The following PAQR3 variants were observed in gnomAD, a reference collection of about 807,000 sequenced individuals.
The protein encoded by PAQR3 is progestin and adipoQ receptor family member 3.
Under a neutral mutation model 41.7 loss-of-function variants are expected in PAQR3, and 39 were observed. That is an observed-to-expected ratio of 0.93 (90% CI 0.72 to 1.22). The LOEUF (loss-of-function observed/expected upper bound fraction) is 1.22. PAQR3 is among the 50% of genes most tolerant of loss of function. The pLI, the probability that PAQR3 is intolerant of heterozygous loss-of-function variation, is 0.00. For missense variants in PAQR3, 366 were observed against 385.6 expected (o/e 0.95, Z 0.42); for synonymous variants, 140 against 140.6 (o/e 1.00, Z 0.03).
chr4:78,900,896 G>A (rs1254306891), intron 11 of PAQR3, among the ~76,000 whole-genome samples: 3 of 152,176 alleles, frequency 2.0e-5, no homozygotes, highest in Non-Finnish European at 2.9e-5. Flanking sequence ...TAATTATCAT[G>A]AATTATATTT....
Position 78,923,853 on chromosome 4 carries a change from C to G in PAQR3, c.793+4G>C, listed in dbSNP as rs13108247. On this transcript the variant is annotated splice_donor_region_variant and intron_variant, in intron 5 of 5. Coordinates refer to ENST00000512733, the MANE Select transcript of PAQR3 (RefSeq NM_001040202.2). The stretch of plus-strand genomic sequence containing the variant: ...TACAAAACTGCTATAAAAGAGATAC[C>G]TACCTGGAAAGTACCGCTCTGGGAC... The G allele has an allele frequency of 6.3e-7, 1 of 1,593,496 alleles. No individual in the cohort carries two copies. The highest frequency in any genetic ancestry group is 2.2e-5 in the East Asian group (1 of 44,752).
downstream of PAQR3, among the ~76,000 whole-genome samples, chr4:78,907,244 A>G (rs904130389): frequency 2.0e-5 from 3 of 152,206 alleles, no homozygotes; most frequent in African/African-American, 4.8e-5. Context: ...ACAATTATAA[A>G]TGTGTATTTC....
rs1389954626 is a variant in PAQR3, at chr4:78,913,057, T to A, written c.*7482A>T. 2 of 152,228 alleles carry A rather than the reference T, an allele frequency of 1.3e-5. No homozygotes were observed. Among genetic ancestry groups the A allele is most frequent in the Admixed American group, 1.3e-4 (2 of 15,282 alleles). The allele number at this position is 152,228 out of a possible 1,614,324, so 9.4% of individuals were successfully genotyped here. On this transcript the variant is annotated 3_prime_UTR_variant, in exon 6 of 6. Transcript: ENST00000512733. ...AAGACATTTACAATGTGAAATCATG[T>A]TGCATTTAACAATGTACTTTATTAG...
Position 78,920,215 on chromosome 4 carries a change from T to C in PAQR3, c.*324A>G, listed in dbSNP as rs2110131246. ...CCATTTTCTAATGGACATGAGCCCT[T>C]CCTAAGGAAATTAAGCTGGTGCTAA... is the stretch of plus-strand genomic sequence containing the variant. On this transcript the variant is annotated 3_prime_UTR_variant, in exon 6 of 6. Transcript: ENST00000512733. The C allele has an allele frequency of 9.8e-7, 1 of 1,023,238 alleles. No homozygotes were observed. The highest frequency in any genetic ancestry group is 4.5e-5 in the South Asian group (1 of 22,334). The allele number at this position is 1,023,238 out of a possible 1,614,324, so 63.4% of individuals were successfully genotyped here.
chr4:78,902,498 T>A (rs567451186), intron 11 of PAQR3, among the ~76,000 whole-genome samples: 1 of 149,602 alleles, frequency 6.7e-6, no homozygotes, highest in East Asian at 1.9e-4. Context: ...GGTAAATTGC[T>A]GGGAGATGAT....
intron 4 of PAQR3, among the ~76,000 whole-genome samples, chr4:78,925,286 T>G (rs1736076048): frequency 6.6e-6 from 1 of 152,198 alleles, no homozygotes; most frequent in Non-Finnish European, 1.5e-5. Flanking sequence ...ATCTAGAAAT[T>G]TTGGTCACTT....
intron 11 of PAQR3, among the ~76,000 whole-genome samples, chr4:78,890,972 A>G (rs997383341): frequency 1.3e-5 from 2 of 152,088 alleles, no homozygotes; most frequent in Non-Finnish European, 2.9e-5. Context: ...AGGTGGGAGG[A>G]TTGCTTGCTT....
In PAQR3 at chr4:78,916,488, G is replaced by A. The variant is rs1426973876; in HGVS notation, c.*4051C>T. On this transcript the variant is annotated 3_prime_UTR_variant, in exon 6 of 6. Coordinates refer to ENST00000512733, the MANE Select transcript of PAQR3 (RefSeq NM_001040202.2). ...AGCACCTATTATGTAGCAGCTAGTG[G>A]AATAGAAAAGTTGCTAAGATTAGAT... 1 of 151,808 alleles carries A rather than the reference G, an allele frequency of 6.6e-6. No individual in the cohort carries two copies. Among genetic ancestry groups the A allele is most frequent in the Non-Finnish European group, 1.5e-5 (1 of 67,834 alleles). The allele number at this position is 151,808 out of a possible 1,614,324, so 9.4% of individuals were successfully genotyped here.
Position 78,930,231 on chromosome 4 carries a change from A to G in PAQR3, c.443T>C (p.Ile148Thr). The change falls in exon 3 of 6, where the codon ATT becomes ACT. Residue 148 changes from isoleucine to threonine, a missense_variant. Transcript: ENST00000512733. ...ATAGCAGCCCAGTATTCCAATAGAAATTCCTGCATAATCTAATGCCATCCA... is the reference window on the plus strand; with the variant it reads ...ATAGCAGCCCAGTATTCCAATAGAAGTTCCTGCATAATCTAATGCCATCCA... ...RRWMALDYAGISIGILGCYVS... is the reference protein window; with the variant it reads ...RRWMALDYAGTSIGILGCYVS... 6.2e-7 allele frequency: 1 copy of G among 1,613,714 alleles called. No individual in the cohort carries two copies. The highest frequency in any genetic ancestry group is 2.2e-5 in the East Asian group (1 of 44,850).
chr4:78,894,616 T>G (rs866807021), intron 11 of PAQR3, among the ~76,000 whole-genome samples: 58 of 152,368 alleles, frequency 3.8e-4, no homozygotes, highest in African/African-American at 1.3e-3. Context: ...GTCCAGACCA[T>G]TAAAATTTTC....
rs370446003 is a variant in PAQR3, at chr4:78,920,568, G to A, written c.907C>T (p.Pro303Ser). ...VYVMQYRHSK[P>S]CPDYVSHL ...AAATGTGAAACATAGTCAGGACAAG[G>A]CTTGCTATGTCTGTACTGCATGACA... Residue 303 changes from proline (P) to serine (S), a missense_variant, in exon 6 of 6, where the codon CCT (proline) becomes TCT (serine). Physicochemically the swap from Pro to Ser is moderately conservative, Grantham distance 74. Coordinates refer to ENST00000512733, the MANE Select transcript of PAQR3 (RefSeq NM_001040202.2). 32 of 1,610,090 alleles carry A rather than the reference G, an allele frequency of 2.0e-5. No homozygotes were observed. Among genetic ancestry groups the A allele is most frequent in the Non-Finnish European group, 2.6e-5 (31 of 1,177,910 alleles).
rs1048493596 is a variant in PAQR3 at position 78,939,052 on chromosome 4, AGCCTG to A, written c.168_172del (p.Arg57ValfsTer10). 1 of 1,606,500 alleles carries A rather than the reference AGCCTG, an allele frequency of 6.2e-7. No homozygotes were observed. Among genetic ancestry groups the A allele is most frequent in the Non-Finnish European group, 8.5e-7 (1 of 1,174,826 alleles). ...AGCCAGACCGTACCTTTTGATACAC[AGCCTG>A]GACGGCAGGTAGGCCCGGTAGCCGT... On this transcript the variant is annotated frameshift_variant, in exon 1 of 6. Coordinates refer to ENST00000512733, the MANE Select transcript of PAQR3 (RefSeq NM_001040202.2). LOFTEE classifies it high-confidence loss of function.
intron 1 of PAQR3, among the ~76,000 whole-genome samples, chr4:78,937,868 C>G (rs1333946128): frequency 6.6e-6 from 1 of 152,194 alleles, no homozygotes; most frequent in Non-Finnish European, 1.5e-5. Flanking sequence ...TAAGGCAATT[C>G]ACTGCTTGCC....
intron 11 of PAQR3, among the ~76,000 whole-genome samples, chr4:78,895,906 C>G (rs1352759498): frequency 6.6e-6 from 1 of 151,920 alleles, no homozygotes; most frequent in African/African-American, 2.4e-5. Context: ...GGACTACAAG[C>G]AGAAGCTACC....
rs937677567 is a variant in PAQR3 at position 78,915,523 on chromosome 4, G to A, written c.*5016C>T. On this transcript the variant is annotated 3_prime_UTR_variant, in exon 6 of 6. Coordinates refer to ENST00000512733, the MANE Select transcript of PAQR3 (RefSeq NM_001040202.2). ...TTTAGGTCCAATTATTGAGTTGACA[G>A]TCTACTGTGAGAATGAGATGACATA... The A allele has an allele frequency of 6.6e-6, 1 of 151,780 alleles. No homozygotes were observed. Among genetic ancestry groups the A allele is most frequent in the Non-Finnish European group, 1.5e-5 (1 of 67,850 alleles). 9.4% of individuals were successfully genotyped at this position (151,780 alleles called of 1,614,324 possible). A position where few individuals can be genotyped will look rare whatever the true frequency, so the allele number is the denominator to read the frequency against.
intron 11 of PAQR3, among the ~76,000 whole-genome samples, chr4:78,892,549 T>C (rs1397494518): frequency 6.6e-6 from 1 of 152,236 alleles, no homozygotes; most frequent in Non-Finnish European, 1.5e-5. Context: ...TATTGACATA[T>C]GCTAAAATTT....
At chr4:78,888,011 A>G (rs975539627) in intron 12 of PAQR3, 18 of 152,244 alleles carry the variant, frequency 1.2e-4, no homozygotes, top group African/African-American at 3.6e-4. Context: ...CAAGTTACAT[A>G]TGTAACACCA....
chr4:78,939,131 T>C lies in PAQR3; in HGVS notation c.94A>G (p.Thr32Ala). Residue 32 changes from threonine (T) to alanine (A), a missense_variant, in exon 1 of 6, where the codon ACC becomes GCC. Coordinates refer to ENST00000512733, the MANE Select transcript of PAQR3 (RefSeq NM_001040202.2). Reference sequence around the variant, plus strand: ...AGGGACCCGGGGATCTGCTCGTAGGTGTACAGGCGGATGCCACGGGGCACC... The same window carrying C: ...AGGGACCCGGGGATCTGCTCGTAGGCGTACAGGCGGATGCCACGGGGCACC... ...VLVPRGIRLY[T>A]YEQIPGSLKD... 3.1e-6 allele frequency: 5 copies of C among 1,613,732 alleles called. No individual in the cohort carries two copies. Among genetic ancestry groups the C allele is most frequent in the East Asian group, 2.2e-5 (1 of 44,808 alleles).
intron 11 of PAQR3, among the ~76,000 whole-genome samples, chr4:78,892,082 T>C (rs1467719820): frequency 6.6e-6 from 1 of 152,236 alleles, no homozygotes; most frequent in Non-Finnish European, 1.5e-5. Flanking sequence ...TGTCAGGCTT[T>C]TGTTTCAGAG....
Sources: allele counts gnomAD v4.1 joint callset (sites outside exome capture counted in the v4.1 genomes callset), GRCh38; gene constraint gnomAD v4.1.1; transcripts MANE v1.5; gene names NCBI Gene and HGNC (gene_info 2026-07-23, HGNC 2026-07-21).